Variants in IKZF2 observed in about 807,000 individuals in gnomAD.
The protein encoded by IKZF2 is zinc finger protein Helios.
Under a neutral mutation model 49.2 loss-of-function variants are expected in IKZF2, and 15 were observed. The ratio of observed to expected loss-of-function variants is 0.30; its 90% CI spans 0.20 to 0.47. The LOEUF (loss-of-function observed/expected upper bound fraction) is 0.47. Ranked by LOEUF, IKZF2 falls within the 20% of genes least tolerant of loss-of-function variation. IKZF2 has a pLI of 1.00. For missense variants in IKZF2, 567 were observed against 664.6 expected, an observed-to-expected ratio of 0.85 and a Z score of 1.61; for synonymous variants, 227 against 221.4, an observed-to-expected ratio of 1.03 and a Z score of -0.23.
chr2:213,050,082 C>T (rs1700537484), intron 5 of IKZF2, among the ~76,000 whole-genome samples: 2 of 152,116 alleles, frequency 1.3e-5, no homozygotes, highest in Admixed American at 1.3e-4. Context: ...GATCTTTCCC[C>T]TTTTATGTAT....
intron 4 of IKZF2, among the ~76,000 whole-genome samples, chr2:213,076,857 G>A (rs4673720): frequency 0.35 from 53,231 of 152,104 alleles, 11,688 homozygotes; most frequent in East Asian, 0.72. Context: ...AGCGGAGATC[G>A]CGCCACTGCA....
intron 5 of IKZF2, among the ~76,000 whole-genome samples, chr2:213,053,475 C>T (rs2125356508): frequency 6.6e-6 from 1 of 152,242 alleles, no homozygotes; most frequent in South Asian, 2.1e-4. Context: ...CATCAACTTG[C>T]TTTGGTGAAT....
At chr2:213,032,928 T>A (rs1204257022) in intron 6 of IKZF2, among the ~76,000 whole-genome samples, 1 of 152,164 alleles carries the variant, frequency 6.6e-6, no homozygotes, top group Non-Finnish European at 1.5e-5. Context: ...ACAAAGGACT[T>A]CTCTGTAGCA....
chr2:213,007,369 T>A lies in IKZF2; in HGVS notation c.1572A>T (p.Thr524=). Residue 524 remains threonine, a synonymous_variant, in exon 9 of 9, where the codon ACA becomes ACT. Transcript: ENST00000434687. ...FSSHIVRGEH[T]FH ...TTTGGAATGAAAAGGCCTAGTGGAA[T>A]GTGTGCTCCCCTCGAACAATGTGTG... is the stretch of plus-strand genomic sequence containing the variant. 1 of 1,612,980 alleles carries A rather than the reference T, an allele frequency of 6.2e-7. No individual in the cohort carries two copies. The highest frequency in any genetic ancestry group is 1.1e-5 in the South Asian group (1 of 91,000).
chr2:213,030,090 G>A (rs909338860), intron 6 of IKZF2, among the ~76,000 whole-genome samples: 9 of 151,786 alleles, frequency 5.9e-5, no homozygotes, highest in Non-Finnish European at 1.2e-4. Context: ...ATATATTAAC[G>A]CCTTTGACTT....
At chr2:213,057,658 A>G (rs1277444622) in intron 4 of IKZF2, among the ~76,000 whole-genome samples, 2 of 152,174 alleles carry the variant, frequency 1.3e-5, no homozygotes, top group Non-Finnish European at 2.9e-5. Flanking sequence ...TCTAAAATCA[A>G]ACTAAACACA....
chr2:213,026,323 T>G lies in IKZF2; in HGVS notation c.575-4193A>C, dbSNP rs551313152. 1.8e-4 allele frequency among the ~76,000 whole-genome samples: 27 copies of G among 152,296 alleles called. 1 individual carries two copies. The South Asian group carries it at 5.4e-3, about 30-fold the overall frequency. On this transcript the variant is annotated intron_variant, in intron 6 of 8. Coordinates refer to ENST00000434687, the MANE Select transcript of IKZF2 (RefSeq NM_001387220.1). ...AGAACTATTCCTGTATTGACCCTCA[T>G]GCTTAGAACACTTCCAACACTCTAT... is the stretch of plus-strand genomic sequence containing the variant.
chr2:213,056,359 C>T (rs751168261), intron 5 of IKZF2, among the ~76,000 whole-genome samples: 2 of 152,080 alleles, frequency 1.3e-5, no homozygotes, highest in African/African-American at 4.8e-5. Context: ...CTACTGAGAC[C>T]TGTGGTAGGA....
At chr2:213,025,765 G>T (rs1233413542) in intron 6 of IKZF2, among the ~76,000 whole-genome samples, 1 of 151,972 alleles carries the variant, frequency 6.6e-6, no homozygotes, top group African/African-American at 2.4e-5. Context: ...TGTTCTGACT[G>T]CCCTTCTTTG....
At chr2:213,146,297 T>C (rs910685713) in intron 4 of IKZF2, among the ~76,000 whole-genome samples, 3 of 152,064 alleles carry the variant, frequency 2.0e-5, no homozygotes, top group African/African-American at 7.2e-5. Context: ...TTTTATCAAA[T>C]CAACTAGCAA....
At chr2:213,081,759 G>A (rs1703978104) in intron 4 of IKZF2, among the ~76,000 whole-genome samples, 1 of 152,164 alleles carries the variant, frequency 6.6e-6, no homozygotes, top group Non-Finnish European at 1.5e-5. Flanking sequence ...AAGACCCTGA[G>A]AGCAAACCAT....
Position 213,147,953 on chromosome 2 carries a change from AAT to A in IKZF2, c.35-143_35-142del. On this transcript the variant is annotated intron_variant, in intron 3 of 8. Coordinates refer to ENST00000434687, the MANE Select transcript of IKZF2 (RefSeq NM_001387220.1). ...ATTTTTCCCTTAGAAACTATAAGGA[AAT>A]ATCATTTAGAAATATACAGTTGAAT... 4.8e-6 allele frequency: 3 copies of A among 621,242 alleles called. No individual in the cohort carries two copies. The South Asian group carries it at 6.0e-5, about 12-fold the overall frequency. The allele number at this position is 621,242 out of a possible 1,614,324, so 38.5% of individuals were successfully genotyped here.
At chr2:213,011,830 T>C (rs1253331663) in intron 8 of IKZF2, among the ~76,000 whole-genome samples, 1 of 151,966 alleles carries the variant, frequency 6.6e-6, no homozygotes, top group Non-Finnish European at 1.5e-5. Context: ...TCTAGTGAGA[T>C]ATAAGTATGG....
intron 4 of IKZF2, among the ~76,000 whole-genome samples, chr2:213,117,101 C>T (rs1285103654): frequency 6.6e-6 from 1 of 152,030 alleles, no homozygotes; most frequent in Non-Finnish European, 1.5e-5. Flanking sequence ...AAATATTAGG[C>T]ATCTGAGTAT....
At chr2:213,055,025 G>A (rs1198945181) in intron 5 of IKZF2, among the ~76,000 whole-genome samples, 1 of 151,902 alleles carries the variant, frequency 6.6e-6, no homozygotes, top group Non-Finnish European at 1.5e-5. Flanking sequence ...CTGGTTCTTT[G>A]AATTTTCTTA....
At chr2:213,048,971 C>T (rs2125325445) in intron 6 of IKZF2, among the ~76,000 whole-genome samples, 1 of 152,040 alleles carries the variant, frequency 6.6e-6, no homozygotes, top group Non-Finnish European at 1.5e-5. Context: ...AATTTTCCAC[C>T]TTTAACTTCT....
intron 4 of IKZF2, among the ~76,000 whole-genome samples, chr2:213,060,961 C>CA (rs1390007102): frequency 1.3e-5 from 2 of 150,838 alleles, no homozygotes; most frequent in African/African-American, 2.4e-5. Flanking sequence ...TTTTTCCAAA[C>CA]AAAAAAAAGC....
chr2:213,043,997 C>T (rs1699909961), intron 6 of IKZF2, among the ~76,000 whole-genome samples: 2 of 152,222 alleles, frequency 1.3e-5, no homozygotes, highest in African/African-American at 4.8e-5. Flanking sequence ...TGCTCTGCTC[C>T]CGCAAAAGCT....
intron 3 of IKZF2, 46 bp from the exon 4 acceptor site, chr2:213,147,858 T>C: frequency 7.1e-7 from 1 of 1,403,846 alleles, no homozygotes. Flanking sequence ...CATTGTCACA[T>C]AAGATGTAAT....
Sources: gnomAD v4.1 joint callset for allele counts (sites outside exome capture counted in the v4.1 genomes callset) on GRCh38, gnomAD v4.1.1 for gene constraint, MANE v1.5 for transcripts, NCBI Gene and HGNC (gene_info 2026-07-23, HGNC 2026-07-21) for gene names.